LHFPL3: variants seen among roughly 807,000 people sequenced by gnomAD.
LHFPL3 encodes the protein LHFPL tetraspan subfamily member 3.
LHFPL3 carries 5 observed loss-of-function variants against 19.3 expected under a neutral mutation model. The observed-to-expected ratio is 0.26, with a 90% CI of 0.14 to 0.54. LHFPL3 has a LOEUF of 0.54. Ranked by LOEUF, LHFPL3 falls within the 20% of genes least tolerant of loss-of-function variation. The probability of loss-of-function intolerance (pLI) is 0.94; values close to 1 mark genes in which losing one functional copy is unlikely to be tolerated. For missense variants in LHFPL3, 249 were observed against 307.4 expected (o/e 0.81, Z 1.42); for synonymous variants, 133 against 126.2 (o/e 1.05, Z -0.36).
intron 1 of LHFPL3, among the ~76,000 whole-genome samples, chr7:104,417,154 A>G (rs977448041): frequency 2.6e-5 from 4 of 152,158 alleles, no homozygotes; most frequent in East Asian, 1.9e-4. Flanking sequence ...TAAAATTTCT[A>G]TTGGCATTTA....
chr7:104,609,796 A>G (rs929823013), intron 1 of LHFPL3, among the ~76,000 whole-genome samples: 1 of 152,212 alleles, frequency 6.6e-6, no homozygotes, highest in Non-Finnish European at 1.5e-5. Flanking sequence ...TAATAATACA[A>G]TTCTGAGAGG....
At chr7:104,552,906 T>C (rs1794689869) in intron 1 of LHFPL3, among the ~76,000 whole-genome samples, 1 of 152,204 alleles carries the variant, frequency 6.6e-6, no homozygotes, top group African/African-American at 2.4e-5. Flanking sequence ...CTTTTACTAG[T>C]TGTGTGACCT....
At chr7:104,706,509 C>G (rs1202969782) in intron 1 of LHFPL3, among the ~76,000 whole-genome samples, 1 of 152,136 alleles carries the variant, frequency 6.6e-6, no homozygotes, top group Non-Finnish European at 1.5e-5. Flanking sequence ...CAGTTGTCAT[C>G]CATAATGTAG....
intron 1 of LHFPL3, among the ~76,000 whole-genome samples, chr7:104,568,343 C>G (rs73409771): frequency 0.066 from 10,071 of 152,234 alleles, 514 homozygotes; most frequent in African/African-American, 0.15. Context: ...ATCTTCCTCA[C>G]CAAATTATAG....
intron 1 of LHFPL3, among the ~76,000 whole-genome samples, chr7:104,716,310 G>A (rs528928579): frequency 6.6e-6 from 1 of 151,798 alleles, no homozygotes; most frequent in South Asian, 2.1e-4. Context: ...TTGCACCACT[G>A]CAGCCTGGGT....
At chr7:104,870,543 G>T (rs940056847) in intron 2 of LHFPL3, among the ~76,000 whole-genome samples, 1 of 152,352 alleles carries the variant, frequency 6.6e-6, no homozygotes, top group East Asian at 1.9e-4. Context: ...ATTTCATCAT[G>T]AGCAGGGTCT....
chr7:104,510,676 A>G (rs1235491356), intron 1 of LHFPL3, among the ~76,000 whole-genome samples: 1 of 152,090 alleles, frequency 6.6e-6, no homozygotes, highest in African/African-American at 2.4e-5. Context: ...AAAATGAAAC[A>G]CTGACAAGTT....
At chr7:104,648,372 C>A (rs570361247) in intron 1 of LHFPL3, among the ~76,000 whole-genome samples, 2 of 152,188 alleles carry the variant, frequency 1.3e-5, no homozygotes, top group Admixed American at 1.3e-4. Flanking sequence ...ACAAAGCTCT[C>A]AGATGATGTA....
intron 2 of LHFPL3, among the ~76,000 whole-genome samples, chr7:104,808,810 T>G (rs1167673145): frequency 6.6e-6 from 1 of 151,434 alleles, no homozygotes; most frequent in African/African-American, 2.4e-5. Context: ...TTTAGGGTAA[T>G]ACCCAACAAA....
At chr7:104,367,810 G>C (rs918863064) in intron 1 of LHFPL3, among the ~76,000 whole-genome samples, 4 of 152,198 alleles carry the variant, frequency 2.6e-5, no homozygotes, top group African/African-American at 9.7e-5. Flanking sequence ...GAGACTTTAG[G>C]GGGAAGGAGG....
intron 2 of LHFPL3, among the ~76,000 whole-genome samples, chr7:104,872,495 A>C (rs1791856122): frequency 6.6e-6 from 1 of 151,986 alleles, no homozygotes; most frequent in African/African-American, 2.4e-5. Context: ...AAATACACAA[A>C]ATAGCTGGGT....
intron 1 of LHFPL3, among the ~76,000 whole-genome samples, chr7:104,468,670 T>TG (rs1792840939): frequency 6.6e-6 from 1 of 151,190 alleles, no homozygotes; most frequent in African/African-American, 2.4e-5. Context: ...TTTTTTTTTT[T>TG]TTTTCCGAGT....
intron 1 of LHFPL3, among the ~76,000 whole-genome samples, chr7:104,702,686 T>C (rs974450186): frequency 6.6e-6 from 1 of 152,256 alleles, no homozygotes; most frequent in African/African-American, 2.4e-5. Context: ...CTAATTGGCA[T>C]TAGGCACTTG....
intron 1 of LHFPL3, among the ~76,000 whole-genome samples, chr7:104,507,738 C>T (rs953836599): frequency 3.7e-5 from 5 of 135,930 alleles, no homozygotes; most frequent in Non-Finnish European, 7.9e-5. Context: ...CCAGAATCTG[C>T]AATGAACTCA....
rs560964265 is a variant in LHFPL3, at chr7:104,772,149, C to T, written c.682+35238C>T. Among the ~76,000 whole-genome samples, 32 of 152,168 alleles carry T rather than the reference C, an allele frequency of 2.1e-4. 1 individual carries two copies. Among genetic ancestry groups the T allele is most frequent in the African/African-American group, 7.2e-4 (30 of 41,518 alleles). ...CCTCATTTTTAATATCTCTGCTGGC[C>T]AATCATACCTTCATTTGAGCCTATT... On this transcript the variant is annotated intron_variant, in intron 2 of 2. Transcript: ENST00000424859.
chr7:104,681,621 CA>C (rs57083271), intron 1 of LHFPL3, among the ~76,000 whole-genome samples: 9 of 143,896 alleles, frequency 6.3e-5, no homozygotes, highest in African/African-American at 1.3e-4. Flanking sequence ...GACTAAGGCT[CA>C]AAAAAAAAAG....
At chr7:104,458,728 A>G (rs1219984244) in intron 1 of LHFPL3, among the ~76,000 whole-genome samples, 3 of 151,804 alleles carry the variant, frequency 2.0e-5, no homozygotes, top group African/African-American at 4.8e-5. Flanking sequence ...TCTTTCTTAA[A>G]AAAAAAAAAA....
At chr7:104,584,373 G>T (rs1374820146) in intron 1 of LHFPL3, among the ~76,000 whole-genome samples, 1 of 151,984 alleles carries the variant, frequency 6.6e-6, no homozygotes, top group Non-Finnish European at 1.5e-5. Flanking sequence ...ACGACTTAAT[G>T]GGTGCAGCAC....
chr7:104,760,828 C>A (rs1794358334), intron 2 of LHFPL3, among the ~76,000 whole-genome samples: 1 of 152,080 alleles, frequency 6.6e-6, no homozygotes, highest in Non-Finnish European at 1.5e-5. Flanking sequence ...TGATCTCTAG[C>A]CCTTTCCATT....
Sources: gnomAD v4.1 joint callset for allele counts (sites outside exome capture counted in the v4.1 genomes callset) on GRCh38, gnomAD v4.1.1 for gene constraint, MANE v1.5 for transcripts, NCBI Gene and HGNC (gene_info 2026-07-23, HGNC 2026-07-21) for gene names.